Variants in EYA2 observed in about 807,000 individuals in gnomAD.
The protein encoded by EYA2 is EYA transcriptional coactivator and phosphatase 2, also known as protein phosphatase EYA2.
Under a neutral mutation model 69.2 loss-of-function variants are expected in EYA2, and 31 were observed. The observed-to-expected ratio is 0.45, with a 90% CI of 0.34 to 0.60. EYA2 has a LOEUF of 0.60. EYA2 is among the 20% of genes least tolerant of loss of function. EYA2 has a pLI of 0.02. For synonymous variants in EYA2, 257 were observed against 279.4 expected (o/e 0.92, Z 0.80); for missense variants, 622 against 701.2 (o/e 0.89, Z 1.28).
intron 1 of EYA2, among the ~76,000 whole-genome samples, chr20:46,904,215 G>C (rs995570998): frequency 2.0e-5 from 3 of 152,114 alleles, no homozygotes; most frequent in African/African-American, 4.8e-5. Context: ...GCTTAAAAGA[G>C]TGGCTGGCAC....
At chr20:47,104,856 A>G (rs1193379535) in intron 9 of EYA2, among the ~76,000 whole-genome samples, 3 of 152,064 alleles carry the variant, frequency 2.0e-5, no homozygotes, top group Non-Finnish European at 1.5e-5. Flanking sequence ...CTCCATCTCT[A>G]CTAAAAATAC....
At chr20:47,135,850 C>CA (rs1276730229) in intron 9 of EYA2, among the ~76,000 whole-genome samples, 1 of 61,250 alleles carries the variant, frequency 1.6e-5, no homozygotes, top group East Asian at 3.9e-4. Context: ...AACAAACAAA[C>CA]AAACAAAAAA....
intron 10 of EYA2, among the ~76,000 whole-genome samples, chr20:47,166,710 G>A (rs34703594): frequency 0.047 from 7,131 of 152,062 alleles, 206 homozygotes; most frequent in African/African-American, 0.072. Flanking sequence ...CTGTGCACCC[G>A]ACACTGTTCT....
intron 5 of EYA2, among the ~76,000 whole-genome samples, chr20:47,032,847 C>G (rs774684455): frequency 7.9e-5 from 12 of 152,206 alleles, no homozygotes; most frequent in Non-Finnish European, 1.5e-4. Flanking sequence ...GGCATTTAGC[C>G]ATTCCCCTTG....
intron 10 of EYA2, among the ~76,000 whole-genome samples, chr20:47,150,432 C>T (rs2033800337): frequency 6.6e-6 from 1 of 152,196 alleles, no homozygotes; most frequent in African/African-American, 2.4e-5. Flanking sequence ...AGAAAGGCAG[C>T]TCTTCCATGC....
At chr20:46,902,743 A>G (rs919159801) in intron 1 of EYA2, among the ~76,000 whole-genome samples, 2 of 152,250 alleles carry the variant, frequency 1.3e-5, no homozygotes, top group Non-Finnish European at 2.9e-5. Context: ...TGTAGAAATG[A>G]ATGAATGTTT....
chr20:46,924,530 C>T (rs113702922), intron 1 of EYA2, among the ~76,000 whole-genome samples: 1 of 151,986 alleles, frequency 6.6e-6, no homozygotes, highest in African/African-American at 2.4e-5. Context: ...ATTAGCCAGG[C>T]GTGGTGGCGG....
intron 10 of EYA2, among the ~76,000 whole-genome samples, chr20:47,144,608 A>G (rs1014505829): frequency 6.6e-6 from 1 of 152,188 alleles, no homozygotes; most frequent in African/African-American, 2.4e-5. Context: ...AGAGAGAGGA[A>G]TCCTTGCTGA....
chr20:47,069,670 G>T (rs2031238970), intron 5 of EYA2, among the ~76,000 whole-genome samples: 1 of 152,028 alleles, frequency 6.6e-6, no homozygotes, highest in Non-Finnish European at 1.5e-5. Flanking sequence ...TCTCCATGAT[G>T]TGTTTATATC....
At chr20:47,109,178 C>A (rs964059586) in intron 9 of EYA2, among the ~76,000 whole-genome samples, 3 of 152,180 alleles carry the variant, frequency 2.0e-5, no homozygotes, top group Non-Finnish European at 2.9e-5. Context: ...ATTGCTTCTA[C>A]CCCTGTTGGC....
chr20:47,084,947 G>C (rs1321432879), intron 7 of EYA2, among the ~76,000 whole-genome samples: 1 of 150,620 alleles, frequency 6.6e-6, no homozygotes, highest in East Asian at 2.0e-4. Flanking sequence ...GTGATCCTCT[G>C]GCCTCAGCCT....
rs1378853530 is a variant in EYA2, at chr20:47,006,841, C to G, written c.298+1757C>G. Among the ~76,000 whole-genome samples the G allele has an allele frequency of 2.0e-5, 3 of 152,296 alleles. No homozygotes were observed. In the East Asian group the frequency reaches 5.8e-4, roughly 29 times the overall value. On this transcript the variant is annotated intron_variant, in intron 4 of 15. Coordinates refer to ENST00000327619, the MANE Select transcript of EYA2 (RefSeq NM_005244.5). The stretch of plus-strand genomic sequence containing the variant: ...AGCTTTAGTTTGCCACAGTCCTCAC[C>G]CAGCCCACGTTACTCCCTTGAATTA...
chr20:47,000,426 G>A (rs1175515698), intron 2 of EYA2, among the ~76,000 whole-genome samples: 2 of 152,226 alleles, frequency 1.3e-5, no homozygotes, highest in Non-Finnish European at 2.9e-5. Context: ...AGAGGCTGAG[G>A]CAGGCTCAGA....
intron 7 of EYA2, among the ~76,000 whole-genome samples, 196 bp from the exon 8 acceptor site, chr20:47,089,043 G>C (rs1296259054): frequency 6.6e-6 from 1 of 152,164 alleles, no homozygotes; most frequent in African/African-American, 2.4e-5. Flanking sequence ...TCTGCTGGAT[G>C]GATGAAAGAT....
At chr20:47,012,931 T>C (rs1430616417) in intron 4 of EYA2, among the ~76,000 whole-genome samples, 1 of 152,256 alleles carries the variant, frequency 6.6e-6, no homozygotes, top group Non-Finnish European at 1.5e-5. Flanking sequence ...AACTTGTAAC[T>C]GATGCATGGA....
chr20:46,966,655 A>G (rs1176132927), intron 1 of EYA2, among the ~76,000 whole-genome samples: 5 of 152,038 alleles, frequency 3.3e-5, no homozygotes, highest in Admixed American at 2.0e-4. Context: ...CAAAATACAA[A>G]AAAAATTAGC....
At chr20:46,909,434 C>T (rs974306394) in intron 1 of EYA2, among the ~76,000 whole-genome samples, 40 of 152,236 alleles carry the variant, frequency 2.6e-4, no homozygotes, top group African/African-American at 4.8e-4. Flanking sequence ...AAATCATCGT[C>T]GGCCTCCCCA....
At chr20:47,125,592 C>A (rs528660936) in intron 9 of EYA2, among the ~76,000 whole-genome samples, 7 of 152,278 alleles carry the variant, frequency 4.6e-5, no homozygotes, top group South Asian at 4.1e-4. Flanking sequence ...CCATTAAATT[C>A]TTTCTTTTAA....
chr20:47,134,983 C>T (rs548063088), intron 9 of EYA2, among the ~76,000 whole-genome samples: 4 of 151,956 alleles, frequency 2.6e-5, no homozygotes, highest in East Asian at 1.9e-4. Flanking sequence ...AAAAATTAGC[C>T]GGGCGTGGTG....
Sources: allele counts gnomAD v4.1 joint callset (sites outside exome capture counted in the v4.1 genomes callset), GRCh38; gene constraint gnomAD v4.1.1; transcripts MANE v1.5; gene names NCBI Gene and HGNC (gene_info 2026-07-23, HGNC 2026-07-21).